The following DPPA4 variants were observed in gnomAD, a reference collection of about 807,000 sequenced individuals.
The protein encoded by DPPA4 is developmental pluripotency associated 4.
DPPA4 carries 22 observed loss-of-function variants against 33.7 expected under a neutral mutation model. The observed-to-expected ratio is 0.65, with a 90% CI of 0.47 to 0.93. The LOEUF (loss-of-function observed/expected upper bound fraction) is 0.93, where lower values mean the gene tolerates loss of function less well. DPPA4 is among the 40% of genes least tolerant of loss of function. The pLI is 0.00. For missense variants in DPPA4, 340 were observed against 358.6 expected, an observed-to-expected ratio of 0.95 and a Z score of 0.42; for synonymous variants, 156 against 132.3, an observed-to-expected ratio of 1.18 and a Z score of -1.23.
Position 109,326,576 on chromosome 3 carries a change from T to A in DPPA4, c.*1412A>T, listed in dbSNP as rs181898582. 1.4e-4 allele frequency: 21 copies of A among 150,286 alleles called. No individual in the cohort carries two copies. The East Asian group carries it at 4.1e-3, about 29-fold the overall frequency. The allele number at this position is 150,286 out of a possible 1,614,324, so 9.3% of individuals were successfully genotyped here. ...CAGTGCATTATTTTTAGTATCTTCA[T>A]TAAACGGGCAAAAAAAAAGATCCCC... On this transcript the variant is annotated 3_prime_UTR_variant, in exon 7 of 7. Transcript: ENST00000335658.
intron 1 of DPPA4, among the ~76,000 whole-genome samples, chr3:109,336,646 C>T (rs1708219037): frequency 6.6e-6 from 1 of 152,168 alleles, no homozygotes; most frequent in Admixed American, 6.5e-5. Context: ...ACACCCTTTT[C>T]TCCTGTTACC....
At chr3:109,336,176 T>C (rs1708207436) in intron 1 of DPPA4, 1 of 152,006 alleles carries the variant, frequency 6.6e-6, no homozygotes, top group African/African-American at 2.4e-5. Flanking sequence ...ATAATAAAAT[T>C]TCTCCTAAAT....
At position 109,327,850 on chromosome 3, in the gene DPPA4, C is replaced by A; in HGVS notation, c.*138G>T. On this transcript the variant is annotated 3_prime_UTR_variant, in exon 7 of 7. Coordinates refer to ENST00000335658, the MANE Select transcript of DPPA4 (RefSeq NM_018189.4). ...GGCACTGCTAGGGGTCTTAGGCTAA[C>A]ATCTGCCACCCCACCAGTCTGCATG... 1.5e-6 allele frequency: 1 copy of A among 653,544 alleles called. No homozygotes were observed. The highest frequency in any genetic ancestry group is 2.5e-5 in the Admixed American group (1 of 40,108). 40.5% of individuals were successfully genotyped at this position (653,544 alleles called of 1,614,324 possible).
chr3:109,330,766 T>C lies in DPPA4; in HGVS notation c.437A>G (p.Gln146Arg), dbSNP rs778483710. ...AKEAKIRKSL[Q>R]KKLKVEKGET... ...CCCCTTTTCCACCTTTAATTTTTTTTGCAATGATTTCCGGATTTTGGCCTC... is the reference window on the plus strand; with the variant it reads ...CCCCTTTTCCACCTTTAATTTTTTTCGCAATGATTTCCGGATTTTGGCCTC... Residue 146 changes from glutamine (Q) to arginine (R), a missense_variant, in exon 5 of 7, where the codon CAA (glutamine) becomes CGA (arginine). By Grantham distance (43) the Gln-to-Arg change is conservative (BLOSUM62 1). Coordinates refer to ENST00000335658, the MANE Select transcript of DPPA4 (RefSeq NM_018189.4). The C allele has an allele frequency of 1.4e-5, 23 of 1,613,514 alleles. No individual in the cohort carries two copies. The highest frequency in any genetic ancestry group is 3.3e-5 in the Admixed American group (2 of 59,904).
Position 109,327,907 on chromosome 3 carries a change from AC to A in DPPA4, c.*80del, listed in dbSNP as rs1019797385. The A allele has an allele frequency of 3.5e-5, 36 of 1,026,310 alleles. No individual in the cohort carries two copies. Among genetic ancestry groups the A allele is most frequent in the Admixed American group, 2.1e-4 (12 of 56,270 alleles). 63.6% of individuals were successfully genotyped at this position (1,026,310 alleles called of 1,614,324 possible). On this transcript the variant is annotated 3_prime_UTR_variant, in exon 7 of 7. Transcript: ENST00000335658. ...AAACAGGTGCAGAGGACCAGAGTTCACCTGTCAGCAGCACCGCAGAATCCAA... is the reference window on the plus strand; with the variant it reads ...AAACAGGTGCAGAGGACCAGAGTTCACTGTCAGCAGCACCGCAGAATCCAA...
Position 109,337,452 on chromosome 3 carries a change from A to T in DPPA4, c.54+12T>A. 6.2e-7 allele frequency: 1 copy of T among 1,613,012 alleles called. No homozygotes were observed. Among genetic ancestry groups the T allele is most frequent in the Non-Finnish European group, 8.5e-7 (1 of 1,179,124 alleles). On this transcript the variant is annotated intron_variant, in intron 1 of 6. Coordinates refer to ENST00000335658, the MANE Select transcript of DPPA4 (RefSeq NM_018189.4). ...GACAGACAGAAAACAAATCCACTAA[A>T]ACTGTACTGACCTCCTTGCCTTTTG...
At chr3:109,335,422 A>G (rs565140763) in intron 1 of DPPA4, among the ~76,000 whole-genome samples, 24 of 152,206 alleles carry the variant, frequency 1.6e-4, no homozygotes, top group African/African-American at 5.8e-4. Flanking sequence ...CACTGCGCCC[A>G]AGGGTTCCCT....
At chr3:109,330,332 G>GAAAA in intron 5 of DPPA4, 192 bp downstream of exon 5, 1 of 331,624 alleles carries the variant, frequency 3.0e-6, no homozygotes, top group Non-Finnish European at 5.2e-6. Context: ...AAAAAAAAAA[G>GAAAA]GAAAAAAAAA....
intron 4 of DPPA4, among the ~76,000 whole-genome samples, chr3:109,331,095 T>C (rs1391902332): frequency 6.7e-6 from 1 of 149,274 alleles, no homozygotes; most frequent in African/African-American, 2.5e-5. Context: ...CTGGCCAACA[T>C]GGTGAAATCC....
At chr3:109,331,610 T>C (rs1708081776) in intron 4 of DPPA4, 124 bp downstream of exon 4, 2 of 681,448 alleles carry the variant, frequency 2.9e-6, no homozygotes, top group Admixed American at 2.7e-5. Flanking sequence ...ATGGGAAATA[T>C]TGTTCTTTCT....
chr3:109,336,398 G>T (rs1043750240), intron 1 of DPPA4: 4 of 151,990 alleles, frequency 2.6e-5, no homozygotes, highest in African/African-American at 9.7e-5. Context: ...GAGAGCGCTC[G>T]GATATGGCCG....
chr3:109,332,711 C>T (rs1019380075), intron 2 of DPPA4, among the ~76,000 whole-genome samples: 1 of 152,180 alleles, frequency 6.6e-6, no homozygotes, highest in African/African-American at 2.4e-5. Context: ...CAGGGAAGCA[C>T]TCTGGTTTCA....
At position 109,333,948 on chromosome 3, in the gene DPPA4, T is replaced by TAGA; in HGVS notation, c.97_99dup (p.Ser33dup). 1 of 1,614,208 alleles carries TAGA rather than the reference T, an allele frequency of 6.2e-7. No homozygotes were observed. ...GGCAAAGCAATTGAATTTGGTTGAT[T>TAGA]AGAAGCCTGCTGATCCTCTTCCCTC... On this transcript the variant is annotated inframe_insertion, in exon 2 of 7. Transcript: ENST00000335658.
At chr3:109,338,856 A>G (rs1195902776), upstream of DPPA4, among the ~76,000 whole-genome samples, 4 of 151,312 alleles carry the variant, frequency 2.6e-5, no homozygotes, top group Non-Finnish European at 4.4e-5. Flanking sequence ...TAACTGAATC[A>G]TCTTTCTTTT....
At position 109,327,025 on chromosome 3, in the gene DPPA4, T is replaced by G. The variant is rs1204460563; in HGVS notation, c.*963A>C. 6.6e-6 allele frequency: 1 copy of G among 152,228 alleles called. No homozygotes were observed. Among genetic ancestry groups the G allele is most frequent in the African/African-American group, 2.4e-5 (1 of 41,464 alleles). 9.4% of individuals were successfully genotyped at this position (152,228 alleles called of 1,614,324 possible). A position where few individuals can be genotyped will look rare whatever the true frequency, so the allele number is the denominator to read the frequency against. ...TTAAATTCAATATATTATGTATTTA[T>G]GAGCGGGAAGCAACCTTAAACATTT... is the stretch of plus-strand genomic sequence containing the variant. On this transcript the variant is annotated 3_prime_UTR_variant, in exon 7 of 7. Transcript: ENST00000335658.
Position 109,330,717 on chromosome 3 carries a change from C to T in DPPA4, c.486G>A (p.Glu162=), listed in dbSNP as rs775458371. Residue 162 remains glutamate (E), a synonymous_variant, in exon 5 of 7, where the codon GAG becomes GAA. Coordinates refer to ENST00000335658, the MANE Select transcript of DPPA4 (RefSeq NM_018189.4). ...GAAGAGCCACTTCAGGAGGATGTGTCTCAGAACTTTGCAGGGACGTTTCCC... is the reference window on the plus strand; with the variant it reads ...GAAGAGCCACTTCAGGAGGATGTGTTTCAGAACTTTGCAGGGACGTTTCCC... ...EKGETSLQSS[E]THPPEVALPP... is the part of the protein sequence containing the mutation. 11 of 1,614,062 alleles carry T rather than the reference C, an allele frequency of 6.8e-6. No homozygotes were observed. Among genetic ancestry groups the T allele is most frequent in the Admixed American group, 6.7e-5 (4 of 59,994 alleles).
At chr3:109,338,079 A>G (rs1158631632), upstream of DPPA4, among the ~76,000 whole-genome samples, 1 of 152,156 alleles carries the variant, frequency 6.6e-6, no homozygotes, top group Non-Finnish European at 1.5e-5. Context: ...TTTAAAGTCT[A>G]TAGAGTATTT....
intron 2 of DPPA4, chr3:109,332,265 CTAA>C: frequency 1.1e-5 from 3 of 285,344 alleles, no homozygotes; most frequent in Non-Finnish European, 1.3e-5. Flanking sequence ...CCACGCCCGG[CTAA>C]TTTTTTGTAT....
rs916443694 is a variant in DPPA4 at position 109,334,129 on chromosome 3, T to G, written c.55-136A>C. The G allele has an allele frequency of 3.2e-5, 29 of 916,654 alleles. No homozygotes were observed. In the African/African-American group the frequency reaches 4.9e-4, roughly 15 times the overall value. The allele number at this position is 916,654 out of a possible 1,614,324, so 56.8% of individuals were successfully genotyped here. A position where few individuals can be genotyped will look rare whatever the true frequency, so the allele number is the denominator to read the frequency against. On this transcript the variant is annotated intron_variant, in intron 1 of 6. Coordinates refer to ENST00000335658, the MANE Select transcript of DPPA4 (RefSeq NM_018189.4). ...CTGGCAGTGTGGATTCTCCTCTGGGTATCATCTTAATACTCAGTTTCATTT... is the reference window on the plus strand; with the variant it reads ...CTGGCAGTGTGGATTCTCCTCTGGGGATCATCTTAATACTCAGTTTCATTT...
Sources: allele counts gnomAD v4.1 joint callset (sites outside exome capture counted in the v4.1 genomes callset), GRCh38; gene constraint gnomAD v4.1.1; transcripts MANE v1.5; gene names NCBI Gene and HGNC (gene_info 2026-07-23, HGNC 2026-07-21).